NRG1: variants seen among roughly 807,000 people sequenced by gnomAD.
NRG1 encodes the protein neuregulin 1, also known as pro-neuregulin-1, membrane-bound isoform.
In NRG1, 18 loss-of-function variants were observed where a neutral mutation model predicts 63.8. The observed-to-expected ratio is 0.28, with a 90% confidence interval of 0.19 to 0.42. The LOEUF (loss-of-function observed/expected upper bound fraction) is 0.42. Among genes scored for constraint, NRG1 ranks in the 10% least tolerant of loss-of-function variants. NRG1 has a pLI of 1.00. For synonymous variants in NRG1, 302 were observed against 301.3 expected, an observed-to-expected ratio of 1.00 and a Z score of -0.02; for missense variants, 762 against 814.7, an observed-to-expected ratio of 0.94 and a Z score of 0.79.
chr8:32,659,826 A>G (rs1170235670), intron 5 of NRG1, among the ~76,000 whole-genome samples: 1 of 151,880 alleles, frequency 6.6e-6, no homozygotes, highest in African/African-American at 2.4e-5. Context: ...TATTTTTTCT[A>G]CTATAAATGT....
At chr8:31,717,163 C>G (rs1477559210) in intron 1 of NRG1, among the ~76,000 whole-genome samples, 4 of 151,986 alleles carry the variant, frequency 2.6e-5, no homozygotes, top group Admixed American at 6.6e-5. Context: ...TCCTAGCACA[C>G]TGGGAGGCTG....
At chr8:31,749,864 T>C (rs1816275206) in intron 1 of NRG1, among the ~76,000 whole-genome samples, 1 of 144,236 alleles carries the variant, frequency 6.9e-6, no homozygotes, top group African/African-American at 2.5e-5. Context: ...TTAAAATCTG[T>C]TTGTTTATTT....
At chr8:32,371,686 C>G (rs1280549781) in intron 1 of NRG1, among the ~76,000 whole-genome samples, 1 of 152,128 alleles carries the variant, frequency 6.6e-6, no homozygotes, top group Admixed American at 6.5e-5. Flanking sequence ...CTTTGCCTTC[C>G]CATTCTCCTT....
intron 1 of NRG1, among the ~76,000 whole-genome samples, chr8:32,121,869 T>C (rs952319387): frequency 1.3e-5 from 2 of 152,008 alleles, no homozygotes; most frequent in African/African-American, 4.8e-5. Flanking sequence ...AATAAAAATA[T>C]AGACAGAGAA....
chr8:32,599,714 C>G (rs186157348), intron 2 of NRG1, among the ~76,000 whole-genome samples: 24 of 152,268 alleles, frequency 1.6e-4, no homozygotes, highest in Non-Finnish European at 4.4e-5. Flanking sequence ...TGGCGTGTGA[C>G]AGATTCATAT....
chr8:31,875,282 A>T (rs1390573491), intron 1 of NRG1, among the ~76,000 whole-genome samples: 2 of 152,144 alleles, frequency 1.3e-5, no homozygotes, highest in African/African-American at 4.8e-5. Flanking sequence ...TATTCTCCGA[A>T]TTGAGTTCAT....
At chr8:32,310,804 C>T (rs1856731745) in intron 1 of NRG1, among the ~76,000 whole-genome samples, 1 of 152,216 alleles carries the variant, frequency 6.6e-6, no homozygotes. Flanking sequence ...TTCTCCATGA[C>T]ACATATCTTC....
At chr8:32,566,006 T>C (rs1837366376) in intron 1 of NRG1, among the ~76,000 whole-genome samples, 1 of 152,114 alleles carries the variant, frequency 6.6e-6, no homozygotes, top group Non-Finnish European at 1.5e-5. Context: ...CACCTAGGCA[T>C]GTAGAAACCT....
At chr8:32,248,726 T>C (rs568300257) in intron 1 of NRG1, among the ~76,000 whole-genome samples, 2 of 152,178 alleles carry the variant, frequency 1.3e-5, no homozygotes, top group South Asian at 2.1e-4. Context: ...TATTAAACAT[T>C]AAGTAGAAGT....
intron 1 of NRG1, among the ~76,000 whole-genome samples, chr8:31,784,303 T>C (rs1396193945): frequency 1.3e-5 from 2 of 152,220 alleles, no homozygotes; most frequent in African/African-American, 4.8e-5. Context: ...GTTAAGGAAA[T>C]CATGGTGAAA....
At chr8:31,982,481 T>A (rs1183362906) in intron 1 of NRG1, among the ~76,000 whole-genome samples, 1 of 151,978 alleles carries the variant, frequency 6.6e-6, no homozygotes, top group African/African-American at 2.4e-5. Flanking sequence ...GGCAGAGATG[T>A]GGATAATACA....
chr8:32,398,825 G>T (rs1039411859), intron 1 of NRG1, among the ~76,000 whole-genome samples: 2 of 152,102 alleles, frequency 1.3e-5, no homozygotes, highest in African/African-American at 4.8e-5. Context: ...TATCATTTTT[G>T]TTTGGACTTT....
intron 1 of NRG1, among the ~76,000 whole-genome samples, chr8:31,929,057 C>T (rs1192835856): frequency 2.8e-4 from 43 of 152,208 alleles, no homozygotes; most frequent in Admixed American, 2.7e-3. Flanking sequence ...GCCTACTCCA[C>T]AGCCATGCAA....
chr8:32,661,821 A>T (rs1178010157), intron 5 of NRG1, among the ~76,000 whole-genome samples: 7 of 152,182 alleles, frequency 4.6e-5, no homozygotes, highest in Non-Finnish European at 4.4e-5. Flanking sequence ...GCAGTACATC[A>T]TATGGGGAAA....
At chr8:32,749,434 T>C in intron 7 of NRG1, 1 of 940,006 alleles carries the variant, frequency 1.1e-6, no homozygotes, top group Non-Finnish European at 1.7e-6. Context: ...ACCATTTGTC[T>C]GGTTCAATGT....
chr8:32,337,222 G>T (rs554268612), intron 1 of NRG1, among the ~76,000 whole-genome samples: 1 of 152,016 alleles, frequency 6.6e-6, no homozygotes, highest in East Asian at 1.9e-4. Context: ...TGTTGCCCAA[G>T]CTGGTCTTGA....
At chr8:32,726,136 A>G (rs984055711) in intron 5 of NRG1, among the ~76,000 whole-genome samples, 2 of 152,154 alleles carry the variant, frequency 1.3e-5, no homozygotes, top group Non-Finnish European at 2.9e-5. Flanking sequence ...TTATTTATCC[A>G]TAGTAATGAT....
chr8:32,170,421 G>A (rs562461028), intron 1 of NRG1, among the ~76,000 whole-genome samples: 6 of 152,284 alleles, frequency 3.9e-5, no homozygotes, highest in African/African-American at 9.6e-5. Flanking sequence ...TATCCACAGC[G>A]TCTTAGCAGG....
chr8:31,741,484 A>G (rs976347021), intron 1 of NRG1, among the ~76,000 whole-genome samples: 3 of 99,844 alleles, frequency 3.0e-5, no homozygotes, highest in African/African-American at 8.1e-5. Flanking sequence ...CATTTAACCT[A>G]CAAAGAAACA....
Sources: gnomAD v4.1 joint callset for allele counts (sites outside exome capture counted in the v4.1 genomes callset) on GRCh38, gnomAD v4.1.1 for gene constraint, MANE v1.5 for transcripts, NCBI Gene and HGNC (gene_info 2026-07-23, HGNC 2026-07-21) for gene names.